Variants in RAB37 observed in about 807,000 individuals in gnomAD.
RAB37 encodes RAB37, member RAS oncogene family.
Under a neutral mutation model 33.1 loss-of-function variants are expected in RAB37, and 29 were observed. The ratio of observed to expected loss-of-function variants is 0.88; its 90% CI spans 0.65 to 1.20. The LOEUF (loss-of-function observed/expected upper bound fraction) is 1.20. Among genes scored for constraint, RAB37 ranks in the 50% most tolerant of loss-of-function variants. The pLI, the probability that RAB37 is intolerant of heterozygous loss-of-function variation, is 0.00. For synonymous variants in RAB37, 128 were observed against 119.5 expected (o/e 1.07, Z -0.47); for missense variants, 299 against 301.1 (o/e 0.99, Z 0.05).
Position 74,742,632 on chromosome 17 carries a change from C to CTT in RAB37, c.246+347_246+348dup, listed in dbSNP as rs1239298939. ...AGATTCTTTTTTTTTCTTTTCTTTT[C>CTT]TTTTTTTTTTTGAGATGGAGTCTCG... On this transcript the variant is annotated intron_variant, in intron 3 of 8. Coordinates refer to ENST00000392613, the MANE Select transcript of RAB37 (RefSeq NM_001006638.3). The surrounding 1 kb of genome is among the most constrained non-coding windows in gnomAD (Gnocchi z 4.0). Among the ~76,000 whole-genome samples, 5 of 145,624 alleles carry CTT rather than the reference C, an allele frequency of 3.4e-5. No individual in the cohort carries two copies. The highest frequency in any genetic ancestry group is 6.1e-5 in the Non-Finnish European group (4 of 65,776).
intron 2 of RAB37, among the ~76,000 whole-genome samples, chr17:74,731,504 T>C (rs1432223228): frequency 6.6e-6 from 1 of 151,270 alleles, no homozygotes; most frequent in Non-Finnish European, 1.5e-5. Context: ...TGCCTCTCAG[T>C]CAAGACCTTC....
intron 1 of RAB37, chr17:74,713,080 G>A (rs1003663605): frequency 7.9e-5 from 42 of 534,880 alleles, no homozygotes; most frequent in Non-Finnish European, 1.3e-4. Flanking sequence ...GCCAAGGCGG[G>A]CGGATCACGA....
In RAB37 at chr17:74,744,246, G is replaced by C. The variant is rs188941273; in HGVS notation, c.367-62G>C. On this transcript the variant is annotated intron_variant, in intron 5 of 8. Transcript: ENST00000392613. The surrounding 1 kb of genome is among the most constrained non-coding windows in gnomAD (Gnocchi z 4.2). ...GAGTAACTGAGGATAGTCAAACGGA[G>C]CAGAAGAAGAAAGGGGCAGCAGGAG... The C allele has an allele frequency of 8.6e-5, 129 of 1,493,442 alleles. No homozygotes were observed. Among genetic ancestry groups the C allele is most frequent in the Non-Finnish European group, 1.1e-4 (121 of 1,081,140 alleles). 92.5% of individuals were successfully genotyped at this position (1,493,442 alleles called of 1,614,324 possible). A position where few individuals can be genotyped will look rare whatever the true frequency, so the allele number is the denominator to read the frequency against.
At chr17:74,698,292 G>T in intron 1 of RAB37, 2 of 1,001,838 alleles carry the variant, frequency 2.0e-6, no homozygotes, top group Non-Finnish European at 3.1e-6. Context: ...GTAATCCCTT[G>T]GACCAGATAG....
chr17:74,738,730 C>T lies in RAB37; in HGVS notation c.93+1365C>T, dbSNP rs146387370. On this transcript the variant is annotated intron_variant, in intron 1 of 8. Transcript: ENST00000392613. This position sits in a 1 kb window ranked among gnomAD's most constrained non-coding sequence, Gnocchi z 5.0. ...TGTTCCCTGGCCAAGCGGCATTGGC[C>T]GGAGAGTTGGTCCCCAGCCTCCCCG... Among the ~76,000 whole-genome samples the T allele has an allele frequency of 1.4e-4, 22 of 152,270 alleles. No individual in the cohort carries two copies. The highest frequency in any genetic ancestry group is 4.3e-4 in the African/African-American group (18 of 41,564).
At position 74,745,285 on chromosome 17, in the gene RAB37, G is replaced by GCCCAT; in HGVS notation, c.567-20_567-16dup. The GCCCAT allele has an allele frequency of 6.3e-7, 1 of 1,592,772 alleles. No individual in the cohort carries two copies. The highest frequency in any genetic ancestry group is 8.6e-7 in the Non-Finnish European group (1 of 1,161,236). Reference sequence around the variant, plus strand: ...CCCCAGCCCAGCCCAGCCCAGCCCAGCCCATTGTCTCTTCTTCAAGGGAAC... The same window carrying GCCCAT: ...CCCCAGCCCAGCCCAGCCCAGCCCAGCCCATCCCATTGTCTCTTCTTCAAGGGAAC... On this transcript the variant is annotated intron_variant, in intron 8 of 8. Coordinates refer to ENST00000392613, the MANE Select transcript of RAB37 (RefSeq NM_001006638.3). The surrounding 1 kb of genome is among the most constrained non-coding windows in gnomAD (Gnocchi z 4.5).
chr17:74,673,133 G>T (rs2143449113), intron 1 of RAB37, among the ~76,000 whole-genome samples: 1 of 152,308 alleles, frequency 6.6e-6, no homozygotes, highest in African/African-American at 2.4e-5. Context: ...GGCCAGGCAT[G>T]GTGGCTCACA....
upstream of RAB37, chr17:74,737,151 C>T: frequency 7.6e-7 from 1 of 1,319,296 alleles, no homozygotes. Context: ...GGCGACGGGA[C>T]GGAGGGAGGA....
rs547747274 is a variant in RAB37 at position 74,744,194 on chromosome 17, C to T, written c.367-114C>T. ...CAGAACAAAGGTACAGATGAGAGAA[C>T]GCACAGGGTATCGTGTTCAAGGTAG... On this transcript the variant is annotated intron_variant, in intron 5 of 8. Coordinates refer to ENST00000392613, the MANE Select transcript of RAB37 (RefSeq NM_001006638.3). The surrounding 1 kb of genome is among the most constrained non-coding windows in gnomAD (Gnocchi z 4.2). 1.6e-4 allele frequency: 167 copies of T among 1,020,056 alleles called. No individual in the cohort carries two copies. Among genetic ancestry groups the T allele is most frequent in the Admixed American group, 5.7e-4 (27 of 47,746 alleles). 63.2% of individuals were successfully genotyped at this position (1,020,056 alleles called of 1,614,324 possible). A position where few individuals can be genotyped will look rare whatever the true frequency, so the allele number is the denominator to read the frequency against.
rs992864212 is a variant in RAB37, at chr17:74,742,721, G to C, written c.247-408G>C. ...GCTCACTGCAACCTCTGCCTCCCAG[G>C]TTTAAGAGATTCTCCTGCCTCAGCC... On this transcript the variant is annotated intron_variant, in intron 3 of 8. Transcript: ENST00000392613. This position sits in a 1 kb window ranked among gnomAD's most constrained non-coding sequence, Gnocchi z 4.0. Among the ~76,000 whole-genome samples, 2 of 151,904 alleles carry C rather than the reference G, an allele frequency of 1.3e-5. No individual in the cohort carries two copies. The highest frequency in any genetic ancestry group is 6.6e-5 in the Admixed American group (1 of 15,254).
intron 1 of RAB37, chr17:74,713,039 G>A: frequency 6.2e-6 from 4 of 643,950 alleles, no homozygotes; most frequent in South Asian, 1.9e-5. Context: ...GGGCACCGTG[G>A]CTCAGGCCTG....
At chr17:74,710,596 C>T (rs766842582) in intron 1 of RAB37, among the ~76,000 whole-genome samples, 11 of 151,750 alleles carry the variant, frequency 7.2e-5, no homozygotes, top group Non-Finnish European at 1.6e-4. Flanking sequence ...CGGTGGCTCA[C>T]GCCTGTAATC....
intron 1 of RAB37, among the ~76,000 whole-genome samples, chr17:74,678,682 G>GAC (rs148139871): frequency 0.011 from 1,580 of 147,900 alleles, 10 homozygotes; most frequent in East Asian, 0.028. Context: ...CAGACACACA[G>GAC]ACACACACAC....
At chr17:74,712,812 A>C (rs367985874) in intron 1 of RAB37, 1 of 1,613,808 alleles carries the variant, frequency 6.2e-7, no homozygotes, top group Non-Finnish European at 8.5e-7. Flanking sequence ...AGACAGACCC[A>C]GGCCCGCTCA....
intron 1 of RAB37, chr17:74,698,385 C>T (rs746589516): frequency 1.2e-6 from 2 of 1,613,270 alleles, no homozygotes; most frequent in South Asian, 2.2e-5. Flanking sequence ...GCTGGTACTT[C>T]ATCATCCTCC....
intron 1 of RAB37, among the ~76,000 whole-genome samples, chr17:74,713,639 G>T (rs1184198530): frequency 6.6e-6 from 1 of 152,062 alleles, no homozygotes; most frequent in East Asian, 1.9e-4. Flanking sequence ...GGTGTAGCCA[G>T]ATGCTTGGGA....
intron 1 of RAB37, among the ~76,000 whole-genome samples, chr17:74,739,525 C>CTTTTT (rs1166150273): frequency 1.8e-4 from 23 of 131,310 alleles, no homozygotes; most frequent in South Asian, 4.8e-4. Context: ...TTCATGCAAC[C>CTTTTT]TTTTTTTTTT....
intron 1 of RAB37, among the ~76,000 whole-genome samples, chr17:74,722,092 G>A (rs1175376665): frequency 2.0e-5 from 3 of 151,862 alleles, no homozygotes; most frequent in East Asian, 1.9e-4. Context: ...TCAGGAGATC[G>A]AGACCACAGT....
chr17:74,733,688 G>A (rs1457346818), upstream of RAB37, among the ~76,000 whole-genome samples: 4 of 151,738 alleles, frequency 2.6e-5, no homozygotes, highest in Non-Finnish European at 5.9e-5. Flanking sequence ...CAGAGTGAAC[G>A]TTAGGAGGCC....
Sources: allele counts gnomAD v4.1 joint callset (sites outside exome capture counted in the v4.1 genomes callset), GRCh38; gene constraint gnomAD v4.1.1; non-coding constraint Gnocchi (gnomAD v3.1); transcripts MANE v1.5; gene names NCBI Gene and HGNC (gene_info 2026-07-23, HGNC 2026-07-21).